ASTN2: variants seen among roughly 807,000 people sequenced by gnomAD.
ASTN2 encodes the protein astrotactin-2.
Under a neutral mutation model 139.8 loss-of-function variants are expected in ASTN2, and 54 were observed. The observed-to-expected ratio is 0.39, with a 90% CI of 0.31 to 0.48. The LOEUF (loss-of-function observed/expected upper bound fraction) is 0.48, where lower values mean the gene tolerates loss of function less well. Ranked by LOEUF, ASTN2 falls within the 20% of genes least tolerant of loss-of-function variation. The pLI is 0.95. For synonymous variants in ASTN2, 756 were observed against 719.5 expected (o/e 1.05, Z -0.81); for missense variants, 1,565 against 1,725.1 (o/e 0.91, Z 1.64).
intron 11 of ASTN2, among the ~76,000 whole-genome samples, chr9:116,846,948 A>G (rs1264124405): frequency 6.7e-6 from 1 of 150,354 alleles, no homozygotes; most frequent in Non-Finnish European, 1.5e-5. Flanking sequence ...GTTCAGTTCA[A>G]CAAATGCCTA....
intron 2 of ASTN2, among the ~76,000 whole-genome samples, chr9:117,280,825 TG>T (rs1465067395): frequency 6.6e-6 from 1 of 152,116 alleles, no homozygotes; most frequent in East Asian, 1.9e-4. Context: ...ATAAATGTCT[TG>T]GGGGGAGACA....
intron 4 of ASTN2, among the ~76,000 whole-genome samples, chr9:117,127,280 T>C (rs1218414058): frequency 6.6e-6 from 1 of 152,140 alleles, no homozygotes; most frequent in African/African-American, 2.4e-5. Flanking sequence ...TCTGTGAAGG[T>C]TGCTCCGCAA....
intron 11 of ASTN2, among the ~76,000 whole-genome samples, chr9:116,839,331 A>AT (rs893747940): frequency 9.2e-5 from 14 of 151,788 alleles, no homozygotes; most frequent in East Asian, 3.9e-4. Flanking sequence ...TTTTATTTTT[A>AT]TTTTTTTTAA....
chr9:117,191,758 G>A (rs1359302483), intron 3 of ASTN2, among the ~76,000 whole-genome samples: 5 of 152,194 alleles, frequency 3.3e-5, no homozygotes, highest in Non-Finnish European at 7.3e-5. Context: ...TGATCAATCA[G>A]AGAACAGTCG....
intron 3 of ASTN2, among the ~76,000 whole-genome samples, chr9:117,192,774 G>C (rs781233177): frequency 1.3e-5 from 2 of 152,152 alleles, no homozygotes; most frequent in Non-Finnish European, 2.9e-5. Context: ...GAACTTAAGG[G>C]ATGTGGGTAT....
intron 16 of ASTN2, among the ~76,000 whole-genome samples, chr9:116,679,786 C>T (rs1262574341): frequency 8.5e-5 from 13 of 152,136 alleles, no homozygotes; most frequent in South Asian, 6.2e-4. Flanking sequence ...GGGTACATAA[C>T]GAAATGAAGG....
chr9:117,060,700 T>C (rs1214579087), intron 5 of ASTN2, among the ~76,000 whole-genome samples: 81 of 151,928 alleles, frequency 5.3e-4, no homozygotes. Flanking sequence ...GAGATCATCC[T>C]GGCTAACATG....
At chr9:116,493,111 G>A (rs986572653) in intron 19 of ASTN2, among the ~76,000 whole-genome samples, 4 of 152,272 alleles carry the variant, frequency 2.6e-5, no homozygotes, top group African/African-American at 9.6e-5. Context: ...AGAGGCTTGG[G>A]AATGCTACAC....
intron 11 of ASTN2, among the ~76,000 whole-genome samples, chr9:116,860,851 A>G (rs1381105525): frequency 6.6e-6 from 1 of 152,256 alleles, no homozygotes; most frequent in East Asian, 1.9e-4. Context: ...TATTCTAAAA[A>G]TATAAGGAAT....
chr9:116,484,469 C>CAAGAGG (rs1254671382), intron 20 of ASTN2, among the ~76,000 whole-genome samples: 1 of 152,132 alleles, frequency 6.6e-6, no homozygotes, highest in Admixed American at 6.5e-5. Flanking sequence ...CTTCTTGGCT[C>CAAGAGG]AAGAGGAAGA....
At chr9:116,575,002 CTT>C (rs1473153983) in intron 19 of ASTN2, among the ~76,000 whole-genome samples, 24 of 152,310 alleles carry the variant, frequency 1.6e-4, no homozygotes, top group Admixed American at 1.6e-3. Context: ...CTTGGTGTCT[CTT>C]GTCCTTGTGC....
At chr9:117,199,565 C>T (rs925640269) in intron 3 of ASTN2, among the ~76,000 whole-genome samples, 1 of 152,028 alleles carries the variant, frequency 6.6e-6, no homozygotes, top group Non-Finnish European at 1.5e-5. Context: ...ATTGTAATGT[C>T]TCCAGCTTTG....
At chr9:116,790,839 T>A (rs558645915) in intron 13 of ASTN2, among the ~76,000 whole-genome samples, 13 of 150,856 alleles carry the variant, frequency 8.6e-5, no homozygotes, top group Admixed American at 2.0e-4. Flanking sequence ...CACGCTGGGC[T>A]AATTCTTGTA....
At chr9:116,851,049 G>T (rs781022637) in intron 11 of ASTN2, among the ~76,000 whole-genome samples, 2 of 152,186 alleles carry the variant, frequency 1.3e-5, no homozygotes, top group Admixed American at 6.5e-5. Flanking sequence ...GCAGTACTTA[G>T]TTGTTGAGCT....
chr9:116,663,041 C>G (rs1279757525), intron 16 of ASTN2, among the ~76,000 whole-genome samples: 2 of 152,186 alleles, frequency 1.3e-5, no homozygotes, highest in Non-Finnish European at 2.9e-5. Flanking sequence ...TTCTTGAAAA[C>G]TGTGTTTAAA....
chr9:116,576,864 C>T (rs1343960496), intron 19 of ASTN2, among the ~76,000 whole-genome samples: 1 of 152,164 alleles, frequency 6.6e-6, no homozygotes, highest in African/African-American at 2.4e-5. Context: ...GAAAGCTCAT[C>T]CCACCCTTAC....
At chr9:116,526,191 C>T (rs1045180704) in intron 19 of ASTN2, among the ~76,000 whole-genome samples, 2 of 152,320 alleles carry the variant, frequency 1.3e-5, no homozygotes, top group East Asian at 3.9e-4. Flanking sequence ...GGTTCATATT[C>T]ACATATATGC....
intron 19 of ASTN2, among the ~76,000 whole-genome samples, chr9:116,515,375 A>C (rs1767010295): frequency 6.6e-6 from 1 of 152,176 alleles, no homozygotes; most frequent in African/African-American, 2.4e-5. Flanking sequence ...AGAGCTTCTA[A>C]GAATGGTTTC....
intron 5 of ASTN2, among the ~76,000 whole-genome samples, chr9:117,074,505 G>C (rs746815470): frequency 6.6e-6 from 1 of 152,178 alleles, no homozygotes; most frequent in Non-Finnish European, 1.5e-5. Context: ...ACTAGCAGGC[G>C]AAGATGTGCA....
Sources: gnomAD v4.1 joint callset for allele counts (sites outside exome capture counted in the v4.1 genomes callset) on GRCh38, gnomAD v4.1.1 for gene constraint, MANE v1.5 for transcripts, NCBI Gene and HGNC (gene_info 2026-07-23, HGNC 2026-07-21) for gene names.